The following PPFIBP2 variants were observed in gnomAD, a reference collection of about 807,000 sequenced individuals.
The protein encoded by PPFIBP2 is liprin-beta-2.
In PPFIBP2, 118 loss-of-function variants were observed where a neutral mutation model predicts 118.3. The observed-to-expected ratio is 1.00, with a 90% CI of 0.86 to 1.16. The LOEUF (loss-of-function observed/expected upper bound fraction) is 1.16, where lower values mean the gene tolerates loss of function less well. PPFIBP2 is among the 50% of genes most tolerant of loss of function. The pLI, the probability that PPFIBP2 is intolerant of heterozygous loss-of-function variation, is 0.00. For missense variants in PPFIBP2, 1,195 were observed against 1,073.1 expected, an observed-to-expected ratio of 1.11 and a Z score of -1.59; for synonymous variants, 414 against 397.4, an observed-to-expected ratio of 1.04 and a Z score of -0.50.
chr11:7,650,058 G>C (rs1198563504), intron 21 of PPFIBP2, among the ~76,000 whole-genome samples: 1 of 152,208 alleles, frequency 6.6e-6, no homozygotes, highest in Non-Finnish European at 1.5e-5. Context: ...CCTACTTGTA[G>C]ATCCAAAATT....
intron 14 of PPFIBP2, 97 bp from the exon 15 acceptor site, chr11:7,639,624 TGTGAAAAATGG>T: frequency 7.2e-7 from 1 of 1,388,210 alleles, no homozygotes; most frequent in South Asian, 1.2e-5. Flanking sequence ...AGTCACCATA[TGTGAAAAATGG>T]CTCTTGCAAA....
chr11:7,564,203 G>A (rs922697913), intron 2 of PPFIBP2, among the ~76,000 whole-genome samples: 1 of 152,002 alleles, frequency 6.6e-6, no homozygotes, highest in Admixed American at 6.6e-5. Context: ...TTGAATTTGG[G>A]GCATATCAAA....
At chr11:7,551,791 C>A (rs1311495057) in intron 2 of PPFIBP2, among the ~76,000 whole-genome samples, 1 of 152,272 alleles carries the variant, frequency 6.6e-6, no homozygotes, top group African/African-American at 2.4e-5. Context: ...TTTCTCCATA[C>A]AGGCATTCCT....
At chr11:7,568,203 G>T (rs373951661) in intron 3 of PPFIBP2, among the ~76,000 whole-genome samples, 5 of 152,322 alleles carry the variant, frequency 3.3e-5, no homozygotes, top group African/African-American at 1.2e-4. Context: ...GTAAAATGAT[G>T]TAAACAATAA....
At position 7,610,368 on chromosome 11, in the gene PPFIBP2, G is replaced by T. The variant is rs139119935; in HGVS notation, c.564G>T (p.Leu188=). 2 of 1,614,192 alleles carry T rather than the reference G, an allele frequency of 1.2e-6. No individual in the cohort carries two copies. The highest frequency in any genetic ancestry group is 1.7e-6 in the Non-Finnish European group (2 of 1,180,042). Residue 188 remains leucine, a synonymous_variant, in exon 6 of 24, where the codon CTG becomes CTT. Transcript: ENST00000299492. ...MTEVSELKLK[L]VGMEKEQREQ... is the part of the protein sequence containing the mutation. ...AAGTGTCTGAGCTGAAGCTCAAGCTGGTTGGCATGGAGAAGGAGCAGAGAG... is the reference window on the plus strand; with the variant it reads ...AAGTGTCTGAGCTGAAGCTCAAGCTTGTTGGCATGGAGAAGGAGCAGAGAG...
At chr11:7,515,400 C>T (rs1004213854) in intron 1 of PPFIBP2, among the ~76,000 whole-genome samples, 4 of 152,100 alleles carry the variant, frequency 2.6e-5, no homozygotes, top group Admixed American at 6.5e-5. Flanking sequence ...AAGGGAGATG[C>T]GCTTTGACTT....
intron 3 of PPFIBP2, among the ~76,000 whole-genome samples, chr11:7,568,590 C>T (rs1351268210): frequency 6.6e-6 from 1 of 152,134 alleles, no homozygotes; most frequent in East Asian, 1.9e-4. Context: ...CAAGTATTGG[C>T]ACTTCCACCT....
At chr11:7,653,953 C>T (rs1052326943), downstream of PPFIBP2, among the ~76,000 whole-genome samples, 4 of 152,096 alleles carry the variant, frequency 2.6e-5, no homozygotes, top group Non-Finnish European at 5.9e-5. Context: ...GGTCCGTGGC[C>T]GCACTGCTTC....
At chr11:7,634,120 T>C (rs909098016) in intron 12 of PPFIBP2, among the ~76,000 whole-genome samples, 1 of 152,194 alleles carries the variant, frequency 6.6e-6, no homozygotes, top group African/African-American at 2.4e-5. Flanking sequence ...GGATTACTCT[T>C]AGACTCAGAC....
Position 7,523,811 on chromosome 11 carries a change from A to T in PPFIBP2, c.-37+9690A>T, listed in dbSNP as rs144516924. Among the ~76,000 whole-genome samples, 1,512 of 152,212 alleles carry T rather than the reference A, an allele frequency of 9.9e-3. 14 individuals carry two copies. Among genetic ancestry groups the T allele is most frequent in the Non-Finnish European group, 0.013 (862 of 68,004 alleles). Reference sequence around the variant, plus strand: ...TCTTTCCTCCTGGGAATAGGGAAGGAGGTGATCCAGATCTCAGGATTTCTC... The same window carrying T: ...TCTTTCCTCCTGGGAATAGGGAAGGTGGTGATCCAGATCTCAGGATTTCTC... On this transcript the variant is annotated intron_variant, in intron 1 of 23. Coordinates refer to ENST00000299492, the MANE Select transcript of PPFIBP2 (RefSeq NM_003621.5).
At chr11:7,650,768 G>T in intron 21 of PPFIBP2, 72 bp from the exon 22 acceptor site, 1 of 1,535,158 alleles carries the variant, frequency 6.5e-7, no homozygotes, top group Non-Finnish European at 8.9e-7. Context: ...TACTTACCGG[G>T]GCTGACTCCA....
intron 2 of PPFIBP2, among the ~76,000 whole-genome samples, chr11:7,552,521 C>T (rs993385276): frequency 1.3e-5 from 2 of 152,172 alleles, no homozygotes; most frequent in Non-Finnish European, 2.9e-5. Context: ...TTGCTCTCTG[C>T]ATCTGTTCTT....
At chr11:7,655,647 C>T (rs938041183), downstream of PPFIBP2, 12 of 605,934 alleles carry the variant, frequency 2.0e-5, no homozygotes, top group South Asian at 1.0e-4. Flanking sequence ...GAGCCAGCCA[C>T]GAGGCAGAAA....
intron 2 of PPFIBP2, among the ~76,000 whole-genome samples, chr11:7,562,634 A>G (rs1854426745): frequency 6.6e-6 from 1 of 152,050 alleles, no homozygotes; most frequent in Admixed American, 6.6e-5. Context: ...TTAGAATTGT[A>G]TCTCCCTTTG....
chr11:7,618,998 A>G (rs941540834), intron 6 of PPFIBP2, among the ~76,000 whole-genome samples: 2 of 151,880 alleles, frequency 1.3e-5, no homozygotes, highest in South Asian at 2.1e-4. Flanking sequence ...AGCAATGTCA[A>G]CTTTGTGGTG....
intron 1 of PPFIBP2, among the ~76,000 whole-genome samples, chr11:7,517,404 G>T (rs1439721686): frequency 6.6e-6 from 1 of 152,154 alleles, no homozygotes; most frequent in Non-Finnish European, 1.5e-5. Context: ...ACAGATAGGG[G>T]TAAGGAAAGG....
rs1308945155 is a variant in PPFIBP2, at chr11:7,652,888, G to C, written c.2437-136G>C. 9 of 1,051,794 alleles carry C rather than the reference G, an allele frequency of 8.6e-6. No homozygotes were observed. The Admixed American group carries it at 9.3e-5, about 11-fold the overall frequency. The allele number at this position is 1,051,794 out of a possible 1,614,324, so 65.2% of individuals were successfully genotyped here. A position where few individuals can be genotyped will look rare whatever the true frequency, so the allele number is the denominator to read the frequency against. The stretch of plus-strand genomic sequence containing the variant: ...AAATTGCTTCCAAGAGCTCTGTTTT[G>C]TTCAGAGTCTTTCTAGGAGCAGTTT... On this transcript the variant is annotated intron_variant, in intron 23 of 23. Transcript: ENST00000299492.
chr11:7,651,818 C>T lies in PPFIBP2; in HGVS notation c.2410C>T (p.Pro804Ser). 3 of 1,612,082 alleles carry T rather than the reference C, an allele frequency of 1.9e-6. No individual in the cohort carries two copies. Among genetic ancestry groups the T allele is most frequent in the South Asian group, 1.1e-5 (1 of 90,994 alleles). The change falls in exon 23 of 24, where the codon CCA (proline) becomes TCA (serine). Residue 804 changes from proline to serine, a missense_variant. Transcript: ENST00000299492. ...GAAAATGGCCTCACCAGCTTACACA[C>T]CACTGACCACCACAGCCAAAGTCCG... ...REKMASPAYT[P>S]LTTTAKVRPR...
intron 2 of PPFIBP2, among the ~76,000 whole-genome samples, chr11:7,550,067 G>A (rs1852790261): frequency 6.6e-6 from 1 of 152,222 alleles, no homozygotes; most frequent in Non-Finnish European, 1.5e-5. Flanking sequence ...GCATTAGCCA[G>A]TAGGGGACTT....
Sources: allele counts gnomAD v4.1 joint callset (sites outside exome capture counted in the v4.1 genomes callset), GRCh38; gene constraint gnomAD v4.1.1; transcripts MANE v1.5; gene names NCBI Gene and HGNC (gene_info 2026-07-23, HGNC 2026-07-21).